Variants in OTULIN observed in about 807,000 individuals in gnomAD.
OTULIN encodes OTU deubiquitinase with linear linkage specificity, also known as ubiquitin thioesterase otulin.
In OTULIN, 15 loss-of-function variants were observed where a neutral mutation model predicts 39.6. That is an observed-to-expected ratio of 0.38 (90% CI 0.25 to 0.58). The LOEUF (loss-of-function observed/expected upper bound fraction) is 0.58, where lower values mean the gene tolerates loss of function less well. OTULIN is among the 20% of genes least tolerant of loss of function. The probability of loss-of-function intolerance (pLI) is 0.66; values close to 1 mark genes in which losing one functional copy is unlikely to be tolerated. For synonymous variants in OTULIN, 156 were observed against 170.3 expected (o/e 0.92, Z 0.65); for missense variants, 319 against 445.9 (o/e 0.72, Z 2.56).
At chr5:14,711,232 T>TCA in the OTULIN span, 3 of 1,614,142 alleles carry the variant, frequency 1.9e-6, no homozygotes. Context: ...ACGATGTCTG[T>TCA]CACCTCCTCT....
At chr5:14,681,950 T>C (rs1736261572) in intron 4 of OTULIN, among the ~76,000 whole-genome samples, 1 of 152,264 alleles carries the variant, frequency 6.6e-6, no homozygotes, top group South Asian at 2.1e-4. Context: ...GGTTTTAGAA[T>C]ACACATTTCT....
At chr5:14,701,166 G>A (rs142385661), downstream of OTULIN, among the ~76,000 whole-genome samples, 170 of 152,298 alleles carry the variant, frequency 1.1e-3, no homozygotes, top group Non-Finnish European at 1.9e-3. Context: ...CCCACTTCTT[G>A]TCCCCGGCTC....
chr5:14,701,895 C>T (rs1457701961), downstream of OTULIN, among the ~76,000 whole-genome samples: 1 of 152,208 alleles, frequency 6.6e-6, no homozygotes. Flanking sequence ...GGGCGCTCAT[C>T]AGGCCAGGGT....
intron 1 of OTULIN, among the ~76,000 whole-genome samples, chr5:14,672,629 G>A (rs1736007094): frequency 6.6e-6 from 1 of 152,106 alleles, no homozygotes; most frequent in Non-Finnish European, 1.5e-5. Flanking sequence ...TTATGTGAAG[G>A]TCAGCTAGTC....
chr5:14,693,839 G>A lies in OTULIN; in HGVS notation c.*791G>A, dbSNP rs1428424471. 2 of 152,260 alleles carry A rather than the reference G, an allele frequency of 1.3e-5. No individual in the cohort carries two copies. Among genetic ancestry groups the A allele is most frequent in the Non-Finnish European group, 2.9e-5 (2 of 68,092 alleles). The allele number at this position is 152,260 out of a possible 1,614,324, so 9.4% of individuals were successfully genotyped here. ...ATGACAGATGTCTGATGCCCCCAGC[G>A]CACTGGAGTCTGGGGCTTGGTGCAG... On this transcript the variant is annotated 3_prime_UTR_variant, in exon 7 of 7. Transcript: ENST00000284274.
intron 2 of OTULIN, 32 bp downstream of exon 2, chr5:14,673,750 C>G (rs746851229): frequency 1.3e-6 from 2 of 1,580,718 alleles, no homozygotes; most frequent in Non-Finnish European, 1.7e-6. Flanking sequence ...TTATAGAGTT[C>G]TTATTGTTTA....
At chr5:14,713,458 TC>T in the OTULIN span, 1 of 1,556,912 alleles carries the variant, frequency 6.4e-7, no homozygotes, top group Non-Finnish European at 8.8e-7. The surrounding 1 kb of genome is among the most constrained non-coding windows in gnomAD (Gnocchi z 4.4). Flanking sequence ...CCTGGGGATT[TC>T]CCCTGAAAAT....
chr5:14,676,006 A>G (rs1338372427), intron 2 of OTULIN, among the ~76,000 whole-genome samples: 2 of 152,132 alleles, frequency 1.3e-5, no homozygotes, highest in African/African-American at 4.8e-5. Flanking sequence ...TGTGACAGAA[A>G]CCTTATGGCT....
downstream of OTULIN, among the ~76,000 whole-genome samples, chr5:14,703,187 G>T (rs1482184321): frequency 2.6e-5 from 4 of 152,084 alleles, no homozygotes; most frequent in Non-Finnish European, 5.9e-5. Context: ...AAAGCCCAGT[G>T]TATTGAACTG....
intron 1 of OTULIN, among the ~76,000 whole-genome samples, chr5:14,668,835 G>A (rs762129719): frequency 2.0e-5 from 3 of 151,974 alleles, no homozygotes; most frequent in Non-Finnish European, 2.9e-5. Flanking sequence ...AAATGCCTTC[G>A]GCTTCACTAA....
intron 6 of OTULIN, among the ~76,000 whole-genome samples, chr5:14,692,497 A>T (rs765842734): frequency 6.6e-6 from 1 of 152,186 alleles, no homozygotes; most frequent in Non-Finnish European, 1.5e-5. Context: ...CACAACGTTG[A>T]GCATCTTTTC....
intron 5 of OTULIN, among the ~76,000 whole-genome samples, chr5:14,689,454 C>G (rs1368784919): frequency 1.3e-5 from 2 of 152,162 alleles, no homozygotes; most frequent in East Asian, 3.8e-4. Context: ...AAGAGTTTGT[C>G]TATATTCACT....
chr5:14,681,299 G>A (rs1736243181), intron 3 of OTULIN, among the ~76,000 whole-genome samples, 165 bp from the exon 4 acceptor site: 1 of 150,964 alleles, frequency 6.6e-6, no homozygotes, highest in African/African-American at 2.4e-5. Context: ...AATGTTGTTT[G>A]CCAGTGAGTA....
the OTULIN span, among the ~76,000 whole-genome samples, chr5:14,714,253 A>G: frequency 6.6e-6 from 1 of 151,976 alleles, no homozygotes; most frequent in Admixed American, 6.6e-5. Flanking sequence ...GTGTGCTGCC[A>G]TTTCACCAAG....
intron 2 of OTULIN, among the ~76,000 whole-genome samples, chr5:14,674,357 A>G (rs1038822004): frequency 8.5e-5 from 13 of 152,110 alleles, no homozygotes; most frequent in African/African-American, 3.1e-4. Flanking sequence ...GCATAGGGTT[A>G]CTCTGATTTT....
chr5:14,682,893 C>A (rs1736291112), intron 4 of OTULIN, among the ~76,000 whole-genome samples: 1 of 152,082 alleles, frequency 6.6e-6, no homozygotes, highest in African/African-American at 2.4e-5. Context: ...GGAAATGTGG[C>A]CAGGATGCTT....
Position 14,693,108 on chromosome 5 carries a change from T to G in OTULIN, c.*60T>G. On this transcript the variant is annotated 3_prime_UTR_variant, in exon 7 of 7. Coordinates refer to ENST00000284274, the MANE Select transcript of OTULIN (RefSeq NM_138348.6). ...GAAGATGCACAGGTGGCTCCTGGGC[T>G]TGGGCTGCAGGTTTGGGGGTCTCTA... 1 of 1,491,826 alleles carries G rather than the reference T, an allele frequency of 6.7e-7. No homozygotes were observed. The highest frequency in any genetic ancestry group is 9.1e-7 in the Non-Finnish European group (1 of 1,100,310). The allele number at this position is 1,491,826 out of a possible 1,614,324, so 92.4% of individuals were successfully genotyped here.
In OTULIN at chr5:14,693,083, G is replaced by C; in HGVS notation, c.*35G>C. ...GCTCCTGACAGCCTGGCGACGTGGC[G>C]AAGATGCACAGGTGGCTCCTGGGCT... On this transcript the variant is annotated 3_prime_UTR_variant, in exon 7 of 7. Coordinates refer to ENST00000284274, the MANE Select transcript of OTULIN (RefSeq NM_138348.6). The C allele has an allele frequency of 3.9e-6, 6 of 1,553,718 alleles. No individual in the cohort carries two copies. Among genetic ancestry groups the C allele is most frequent in the Non-Finnish European group, 5.2e-6 (6 of 1,143,920 alleles).
chr5:14,680,635 T>C (rs925083298), intron 3 of OTULIN, among the ~76,000 whole-genome samples: 1 of 152,182 alleles, frequency 6.6e-6, no homozygotes, highest in Non-Finnish European at 1.5e-5. Context: ...CTCACTAGGA[T>C]TTTTTGGTGT....
Sources: allele counts gnomAD v4.1 joint callset (sites outside exome capture counted in the v4.1 genomes callset), GRCh38; gene constraint gnomAD v4.1.1; non-coding constraint Gnocchi (gnomAD v3.1); transcripts MANE v1.5; gene names NCBI Gene and HGNC (gene_info 2026-07-23, HGNC 2026-07-21).